Variants in CDH2 observed in about 807,000 individuals in gnomAD.
CDH2 encodes cadherin-2.
Under a neutral mutation model 92.0 loss-of-function variants are expected in CDH2, and 17 were observed. The ratio of observed to expected loss-of-function variants is 0.18; its 90% CI spans 0.13 to 0.28. The LOEUF (loss-of-function observed/expected upper bound fraction) is 0.28. Among genes scored for constraint, CDH2 ranks in the 10% least tolerant of loss-of-function variants. The pLI is 1.00. For synonymous variants in CDH2, 419 were observed against 415.9 expected (o/e 1.01, Z -0.09); for missense variants, 862 against 1,133.1 (o/e 0.76, Z 3.44).
rs9960827 is a variant in CDH2, at chr18:28,103,482, C to G, written c.172+44191G>C. Among the ~76,000 whole-genome samples, 7 of 19,422 alleles carry G rather than the reference C, an allele frequency of 3.6e-4. No individual in the cohort carries two copies. The East Asian group carries it at 3.8e-3, about 10-fold the overall frequency. The allele number at this position is 19,422 out of a possible 152,430, so 12.7% of individuals were successfully genotyped here. ...TACACATAAAGTATGTATATATATA[C>G]ACACACACACACACACATATATACA... On this transcript the variant is annotated intron_variant, in intron 2 of 15. Transcript: ENST00000269141.
intron 3 of CDH2, among the ~76,000 whole-genome samples, chr18:28,013,030 T>C (rs2013142886): frequency 6.6e-6 from 1 of 152,190 alleles, no homozygotes; most frequent in South Asian, 2.1e-4. Flanking sequence ...TCAGAAAATA[T>C]TATCATAACG....
intron 2 of CDH2, among the ~76,000 whole-genome samples, chr18:28,069,983 C>T (rs751804459): frequency 1.3e-5 from 2 of 152,110 alleles, no homozygotes; most frequent in African/African-American, 4.8e-5. Flanking sequence ...TCCAGTGTAT[C>T]GACCTCCATA....
Position 28,013,779 on chromosome 18 carries a change from C to T in CDH2, c.303G>A (p.Lys101=), listed in dbSNP as rs1404361272. Residue 101 remains lysine (K), a synonymous_variant, in exon 3 of 16, where the codon AAG becomes AAA. Transcript: ENST00000269141. ...CTTTGTCTTGGGCATATATCAGGAA[C>T]TTGGCATGCTCAGAAGAGAGTGGAA... ...RSFPLSSEHA[K]FLIYAQDKET... is the part of the protein sequence containing the mutation. 1 of 1,614,046 alleles carries T rather than the reference C, an allele frequency of 6.2e-7. No individual in the cohort carries two copies. Among genetic ancestry groups the T allele is most frequent in the Admixed American group, 1.7e-5 (1 of 60,002 alleles).
At chr18:28,034,699 C>A (rs982019822) in intron 2 of CDH2, among the ~76,000 whole-genome samples, 65 of 149,192 alleles carry the variant, frequency 4.4e-4, no homozygotes, top group African/African-American at 1.6e-3. Context: ...AAAACAAAAA[C>A]AAAAACAAAA....
chr18:28,013,639 A>C (rs2013158853), intron 3 of CDH2, 44 bp downstream of exon 3: 1 of 1,376,876 alleles, frequency 7.3e-7, no homozygotes, highest in Non-Finnish European at 1.0e-6. Flanking sequence ...AACTGTATAA[A>C]GCTGATTTTT....
Position 27,955,761 on chromosome 18 carries a change from G to GT in CDH2, c.2515-3403dup, listed in dbSNP as rs5823568. On this transcript the variant is annotated intron_variant, in intron 15 of 15. Coordinates refer to ENST00000269141, the MANE Select transcript of CDH2 (RefSeq NM_001792.5). Reference sequence around the variant, plus strand: ...ACAAATCTCTGTTTTCTTTATTTCTGTTTTTTTTTTTTTTTTTTTAAAGAG... The same window carrying GT: ...ACAAATCTCTGTTTTCTTTATTTCTGTTTTTTTTTTTTTTTTTTTTAAAGAG... Among the ~76,000 whole-genome samples, 538 of 111,712 alleles carry GT rather than the reference G, an allele frequency of 4.8e-3. 41 individuals are homozygous for GT. Among genetic ancestry groups the GT allele is most frequent in the African/African-American group, 0.018 (508 of 28,112 alleles). The allele number at this position is 111,712 out of a possible 152,430, so 73.3% of individuals were successfully genotyped here. A position where few individuals can be genotyped will look rare whatever the true frequency, so the allele number is the denominator to read the frequency against.
chr18:28,090,894 G>A (rs1441662784), intron 2 of CDH2, among the ~76,000 whole-genome samples: 1 of 152,126 alleles, frequency 6.6e-6, no homozygotes, highest in Non-Finnish European at 1.5e-5. Flanking sequence ...CCTACAAGTA[G>A]AACATTGAGA....
intron 6 of CDH2, among the ~76,000 whole-genome samples, chr18:27,945,485 T>G: frequency 6.6e-6 from 1 of 151,996 alleles, no homozygotes. Context: ...GGTCTTCCAG[T>G]TTTCCTTATG....
At chr18:27,966,654 T>C (rs912789371) in intron 14 of CDH2, among the ~76,000 whole-genome samples, 6 of 152,242 alleles carry the variant, frequency 3.9e-5, no homozygotes, top group African/African-American at 7.2e-5. Flanking sequence ...CTGAGAGCAG[T>C]TGTCCCCTCT....
chr18:27,959,322 T>TAAAC (rs1205260573), intron 15 of CDH2, among the ~76,000 whole-genome samples: 1 of 152,196 alleles, frequency 6.6e-6, no homozygotes, highest in Admixed American at 6.5e-5. Flanking sequence ...CTTATTTAAA[T>TAAAC]AAACAAACTA....
At chr18:28,060,786 C>T (rs2144145447) in intron 2 of CDH2, among the ~76,000 whole-genome samples, 1 of 152,246 alleles carries the variant, frequency 6.6e-6, no homozygotes, top group South Asian at 2.1e-4. Flanking sequence ...TGGAACCAGC[C>T]ATTTCTTTAA....
At chr18:28,167,905 C>T (rs1246007891) in intron 1 of CDH2, among the ~76,000 whole-genome samples, 1 of 152,012 alleles carries the variant, frequency 6.6e-6, no homozygotes, top group Non-Finnish European at 1.5e-5. Flanking sequence ...CCAATATTTT[C>T]GCTGCAAAAA....
intron 2 of CDH2, among the ~76,000 whole-genome samples, chr18:28,113,475 GA>G (rs72389815): frequency 0.063 from 7,170 of 112,984 alleles, 201 homozygotes; most frequent in South Asian, 0.11. Flanking sequence ...CCAGCAAAAG[GA>G]AAAAAAAAAA....
At chr18:27,947,744 TAA>T (rs578132539), downstream of CDH2, among the ~76,000 whole-genome samples, 104 of 149,522 alleles carry the variant, frequency 7.0e-4, no homozygotes, top group East Asian at 7.1e-3. Flanking sequence ...ATATGTGATA[TAA>T]GTGTATATGA....
intron 2 of CDH2, among the ~76,000 whole-genome samples, chr18:28,106,311 G>T (rs1448969947): frequency 6.6e-6 from 1 of 152,152 alleles, no homozygotes; most frequent in Non-Finnish European, 1.5e-5. Context: ...CAGCTACTCA[G>T]GAGGCTGAGG....
At chr18:27,940,247 C>T (rs1259934165) in intron 6 of CDH2, among the ~76,000 whole-genome samples, 2 of 152,186 alleles carry the variant, frequency 1.3e-5, no homozygotes, top group African/African-American at 2.4e-5. Context: ...TACCAACTGT[C>T]TAAATCAGAT....
intron 15 of CDH2, among the ~76,000 whole-genome samples, chr18:27,954,846 C>T (rs983213386): frequency 6.6e-6 from 1 of 152,094 alleles, no homozygotes; most frequent in Non-Finnish European, 1.5e-5. Context: ...CCAATGGCTG[C>T]CCTCGTGGAG....
intron 2 of CDH2, among the ~76,000 whole-genome samples, chr18:28,096,713 T>C (rs530508648): frequency 6.6e-6 from 1 of 152,346 alleles, no homozygotes; most frequent in Non-Finnish European, 1.5e-5. Context: ...TAATATCATG[T>C]ACTCAATAGT....
chr18:27,971,316 T>G (rs2011652876), intron 14 of CDH2, among the ~76,000 whole-genome samples: 1 of 151,638 alleles, frequency 6.6e-6, no homozygotes, highest in Non-Finnish European at 1.5e-5. Context: ...TTCTTTTTTT[T>G]TTTTTTTTTG....
Sources: allele counts gnomAD v4.1 joint callset (sites outside exome capture counted in the v4.1 genomes callset), GRCh38; gene constraint gnomAD v4.1.1; transcripts MANE v1.5; gene names NCBI Gene and HGNC (gene_info 2026-07-23, HGNC 2026-07-21).